SORCS2: variants seen among roughly 807,000 people sequenced by gnomAD.
SORCS2 encodes VPS10 domain-containing receptor SorCS2.
A neutral mutation model predicts 141.6 loss-of-function variants in SORCS2; 100 were observed. The ratio of observed to expected loss-of-function variants is 0.71; its 90% CI spans 0.60 to 0.83. SORCS2 has a LOEUF of 0.83. Ranked by LOEUF, SORCS2 falls within the 40% of genes least tolerant of loss-of-function variation. The pLI, the probability that SORCS2 is intolerant of heterozygous loss-of-function variation, is 0.00. For missense variants in SORCS2, 1,646 were observed against 1,560.2 expected, an observed-to-expected ratio of 1.05 and a Z score of -0.93; for synonymous variants, 789 against 676.9, an observed-to-expected ratio of 1.17 and a Z score of -2.57.
chr4:7,696,554 T>G (rs1724720884), intron 11 of SORCS2, among the ~76,000 whole-genome samples: 1 of 152,002 alleles, frequency 6.6e-6, no homozygotes, highest in Non-Finnish European at 1.5e-5. Flanking sequence ...ATTCTGACAC[T>G]GCCCACAGCA....
rs1473497348 is a variant in SORCS2, at chr4:7,559,696, A to T, written c.648+28067A>T. Among the ~76,000 whole-genome samples the T allele has an allele frequency of 2.0e-5, 3 of 152,184 alleles. 1 individual carries two copies. Among genetic ancestry groups the T allele is most frequent in the African/African-American group, 7.2e-5 (3 of 41,446 alleles). ...ACCTGCCCACTGTGCCATCTGGGGCAAGTCCTCATCCCTCTCCATGCCTCA... is the reference window on the plus strand; with the variant it reads ...ACCTGCCCACTGTGCCATCTGGGGCTAGTCCTCATCCCTCTCCATGCCTCA... On this transcript the variant is annotated intron_variant, in intron 3 of 26. Coordinates refer to ENST00000507866, the MANE Select transcript of SORCS2 (RefSeq NM_020777.3).
intron 1 of SORCS2, among the ~76,000 whole-genome samples, chr4:7,369,467 A>C (rs994849652): frequency 1.3e-5 from 2 of 152,258 alleles, no homozygotes; most frequent in Non-Finnish European, 2.9e-5. Context: ...TCCCTGCAGC[A>C]GCCCCATTGC....
chr4:7,636,342 C>A (rs1720255454), intron 3 of SORCS2, among the ~76,000 whole-genome samples: 1 of 152,186 alleles, frequency 6.6e-6, no homozygotes, highest in African/African-American at 2.4e-5. Flanking sequence ...CCTGTGTAAG[C>A]CAGGACTCTA....
chr4:7,278,434 C>T (rs953180293), intron 1 of SORCS2, among the ~76,000 whole-genome samples: 3 of 152,172 alleles, frequency 2.0e-5, no homozygotes, highest in South Asian at 4.1e-4. Flanking sequence ...TGCGATGTCC[C>T]AAGAGTTGTT....
chr4:7,237,750 C>T (rs1366014080), intron 1 of SORCS2, among the ~76,000 whole-genome samples: 1 of 152,006 alleles, frequency 6.6e-6, no homozygotes, highest in African/African-American at 2.4e-5. Context: ...GAGTTTACGT[C>T]AGATCCTGAT....
At chr4:7,396,212 G>A in intron 1 of SORCS2, 76 bp from the exon 2 acceptor site, 1 of 1,405,398 alleles carries the variant, frequency 7.1e-7, no homozygotes. Context: ...CTGGCACGGA[G>A]TGGTGTCACT....
intron 3 of SORCS2, among the ~76,000 whole-genome samples, chr4:7,557,766 A>C (rs1021073553): frequency 1.3e-5 from 2 of 152,184 alleles, no homozygotes; most frequent in African/African-American, 4.8e-5. Context: ...GTTTGAGCTG[A>C]GACTTGGCCT....
intron 1 of SORCS2, among the ~76,000 whole-genome samples, chr4:7,396,005 A>G (rs533565704): frequency 6.6e-6 from 1 of 152,312 alleles, no homozygotes; most frequent in East Asian, 1.9e-4. Flanking sequence ...GGTTTGAATT[A>G]TTTCCAACAA....
intron 14 of SORCS2, among the ~76,000 whole-genome samples, chr4:7,712,241 G>A (rs1213222906): frequency 2.0e-5 from 3 of 152,232 alleles, no homozygotes; most frequent in Admixed American, 2.0e-4. Flanking sequence ...CAAATGCCCT[G>A]TGGCCCAGCG....
rs781457911 is a variant in SORCS2, at chr4:7,638,528, G to A, written c.813+36G>A. 36 of 1,583,326 alleles carry A rather than the reference G, an allele frequency of 2.3e-5. 1 individual carries two copies. The highest frequency in any genetic ancestry group is 3.1e-5 in the Non-Finnish European group (36 of 1,169,830). ...TGGGTGCCAGTCGCCTGGTCTGTGG[G>A]GCTGGGGTCTGCTCGACCCACCTGG... is the stretch of plus-strand genomic sequence containing the variant. On this transcript the variant is annotated intron_variant, in intron 4 of 26. Transcript: ENST00000507866.
intron 14 of SORCS2, among the ~76,000 whole-genome samples, chr4:7,708,571 C>A (rs1725623705): frequency 1.3e-5 from 2 of 152,200 alleles, no homozygotes; most frequent in Admixed American, 6.5e-5. Flanking sequence ...CAGTGAGCCC[C>A]TTCCCCTCCC....
intron 1 of SORCS2, among the ~76,000 whole-genome samples, chr4:7,369,406 A>G (rs1173911830): frequency 1.3e-5 from 2 of 152,188 alleles, no homozygotes; most frequent in African/African-American, 4.8e-5. Context: ...ATGGATGAAT[A>G]CAATAAGTAA....
At chr4:7,544,357 G>C (rs1009274435) in intron 3 of SORCS2, among the ~76,000 whole-genome samples, 4 of 152,228 alleles carry the variant, frequency 2.6e-5, no homozygotes, top group African/African-American at 9.6e-5. Flanking sequence ...TGTTGATTAG[G>C]TGATGTGTTA....
intron 1 of SORCS2, among the ~76,000 whole-genome samples, chr4:7,324,452 G>A (rs1040199452): frequency 7.9e-5 from 12 of 152,236 alleles, no homozygotes; most frequent in Admixed American, 7.2e-4. Context: ...GTCTGCCGGC[G>A]TCACCATCTC....
In SORCS2 at chr4:7,703,304, C is replaced by G. The variant is rs1243574607; in HGVS notation, c.1693C>G (p.Leu565Val). The part of the protein sequence containing the change: ...RQVFEEEHHI[L>V]YLDHGGVIVA... The stretch of plus-strand genomic sequence containing the variant: ...GGTGTTTGAGGAAGAGCATCACATC[C>G]TGTACCTGGACCACGGCGGCGTGAT... Residue 565 changes from leucine to valine, a missense_variant, in exon 13 of 27, where the codon CTG (leucine) becomes GTG (valine). Leu to Val is a conservative substitution (Grantham distance 32, BLOSUM62 1). Coordinates refer to ENST00000507866, the MANE Select transcript of SORCS2 (RefSeq NM_020777.3). 2 of 1,613,110 alleles carry G rather than the reference C, an allele frequency of 1.2e-6. No homozygotes were observed. The highest frequency in any genetic ancestry group is 1.3e-5 in the African/African-American group (1 of 74,932).
chr4:7,269,499 C>G (rs1448109338), intron 1 of SORCS2, among the ~76,000 whole-genome samples: 2 of 152,212 alleles, frequency 1.3e-5, no homozygotes, highest in African/African-American at 4.8e-5. Flanking sequence ...ATGAGATCAT[C>G]CTGGACTTAG....
At chr4:7,259,544 C>T (rs1402423734) in intron 1 of SORCS2, among the ~76,000 whole-genome samples, 3 of 152,188 alleles carry the variant, frequency 2.0e-5, no homozygotes, top group Non-Finnish European at 4.4e-5. Context: ...ACGTCAGGCC[C>T]AGGGGTGGCC....
chr4:7,738,479 C>T (rs1401266756), intron 26 of SORCS2, among the ~76,000 whole-genome samples: 1 of 152,242 alleles, frequency 6.6e-6, no homozygotes, highest in Non-Finnish European at 1.5e-5. Context: ...GGCGTCTCCC[C>T]TACAGTTCCT....
intron 1 of SORCS2, among the ~76,000 whole-genome samples, chr4:7,374,179 C>CTTTCTTTCTT (rs1722478040): frequency 8.5e-6 from 1 of 118,008 alleles, no homozygotes; most frequent in Non-Finnish European, 1.8e-5. Flanking sequence ...TTCTTTCTTT[C>CTTTCTTTCTT]TTTCTTTCTT....
Sources: gnomAD v4.1 joint callset for allele counts (sites outside exome capture counted in the v4.1 genomes callset) on GRCh38, gnomAD v4.1.1 for gene constraint, MANE v1.5 for transcripts, NCBI Gene and HGNC (gene_info 2026-07-23, HGNC 2026-07-21) for gene names.